The following PCDHA6 variants were observed in gnomAD, a reference collection of about 807,000 sequenced individuals.
The protein encoded by PCDHA6 is protocadherin alpha 6, also known as protocadherin alpha-6.
Under a neutral mutation model 60.3 loss-of-function variants are expected in PCDHA6, and 55 were observed. That is an observed-to-expected ratio of 0.91 (90% confidence interval 0.73 to 1.14). The LOEUF (loss-of-function observed/expected upper bound fraction) is 1.14. Ranked by LOEUF, PCDHA6 falls within the 50% of genes most tolerant of loss-of-function variation. The pLI is 0.00. For synonymous variants in PCDHA6, 652 were observed against 557.9 expected, an observed-to-expected ratio of 1.17 and a Z score of -2.38; for missense variants, 1,327 against 1,256.5, an observed-to-expected ratio of 1.06 and a Z score of -0.85.
chr5:140,851,612 A>G, intron 1 of PCDHA6: 1 of 921,118 alleles, frequency 1.1e-6, no homozygotes, highest in Non-Finnish European at 1.3e-6. Context: ...GAAATTGGAG[A>G]AAATGCTTTT....
chr5:140,920,129 A>T lies in PCDHA6; in HGVS notation c.2395-58820A>T, dbSNP rs369489887. Among the ~76,000 whole-genome samples, 8 of 152,262 alleles carry T rather than the reference A, an allele frequency of 5.3e-5. No homozygotes were observed. The South Asian group carries it at 1.7e-3, about 32-fold the overall frequency. ...CAACCTTGCCAACATCTTGAGTTTT[A>T]ATTCTCCTCTCCAAACCTGGGAGAA... On this transcript the variant is annotated intron_variant, in intron 1 of 3. Transcript: ENST00000529310.
Position 140,828,895 on chromosome 5 carries a change from T to C in PCDHA6, c.804T>C (p.Asp268=), listed in dbSNP as rs1770010925. 6.2e-7 allele frequency: 1 copy of C among 1,614,106 alleles called. No individual in the cohort carries two copies. The highest frequency in any genetic ancestry group is 1.3e-5 in the African/African-American group (1 of 74,930). The change falls in exon 1 of 4, where the codon GAT becomes GAC. Residue 268 remains aspartate, a synonymous_variant. Coordinates refer to ENST00000529310, the MANE Select transcript of PCDHA6 (RefSeq NM_018909.4). ...CAGTTATCAGACTGAATGCTTCTGA[T>C]CGGGATGAAGGAGCGAATGGGGCAA... is the stretch of plus-strand genomic sequence containing the variant. The part of the protein sequence containing the change: ...GTTVIRLNAS[D]RDEGANGAIS...
At chr5:140,831,620 C>A (rs1771646010) in intron 1 of PCDHA6, among the ~76,000 whole-genome samples, 1 of 150,644 alleles carries the variant, frequency 6.6e-6, no homozygotes, top group Admixed American at 6.7e-5. Context: ...ACCTTGGCCT[C>A]CCAAAGTACT....
Position 140,870,720 on chromosome 5 carries a change from G to A in PCDHA6, c.2394+40235G>A, listed in dbSNP as rs544150374. ...AGTTCCAGGTGAGCGCGCGCGATGC[G>A]GGCGTGCCGCCTCTGAGCAGCAACG... On this transcript the variant is annotated intron_variant, in intron 1 of 3. Coordinates refer to ENST00000529310, the MANE Select transcript of PCDHA6 (RefSeq NM_018909.4). The A allele has an allele frequency of 3.7e-6, 6 of 1,613,204 alleles. No homozygotes were observed. In the East Asian group the frequency reaches 6.7e-5, roughly 18 times the overall value.
At chr5:140,909,907 A>C (rs1554194005) in intron 1 of PCDHA6, among the ~76,000 whole-genome samples, 1 of 152,168 alleles carries the variant, frequency 6.6e-6, no homozygotes, top group African/African-American at 2.4e-5. Flanking sequence ...CTGAAATGGC[A>C]ATCATTTCCC....
At chr5:140,894,193 T>G (rs1481492058) in intron 1 of PCDHA6, among the ~76,000 whole-genome samples, 1 of 152,170 alleles carries the variant, frequency 6.6e-6, no homozygotes, top group Non-Finnish European at 1.5e-5. Context: ...TATATATTTT[T>G]TCTATGCTAT....
At chr5:140,964,584 A>G (rs1347418719) in intron 1 of PCDHA6, among the ~76,000 whole-genome samples, 2 of 152,132 alleles carry the variant, frequency 1.3e-5, no homozygotes, top group African/African-American at 4.8e-5. Context: ...GGGAGGAAAG[A>G]TCACTTTTCA....
intron 1 of PCDHA6, chr5:140,968,895 T>G: frequency 6.2e-7 from 1 of 1,614,218 alleles, no homozygotes; most frequent in Non-Finnish European, 8.5e-7. Context: ...TATCTAATAA[T>G]AGCATTAAGC....
chr5:140,877,321 G>A (rs1554169599), intron 1 of PCDHA6: 2 of 1,614,000 alleles, frequency 1.2e-6, no homozygotes, highest in South Asian at 2.2e-5. Context: ...GGCGGCGGTC[G>A]GCGCGCACAT....
chr5:140,962,014 G>C (rs2095650512), intron 1 of PCDHA6, among the ~76,000 whole-genome samples: 1 of 151,888 alleles, frequency 6.6e-6, no homozygotes, highest in African/African-American at 2.4e-5. Flanking sequence ...TTCCCGAGTA[G>C]CTGGGACTAC....
At chr5:140,845,150 G>A (rs1193499376) in intron 1 of PCDHA6, among the ~76,000 whole-genome samples, 2 of 149,470 alleles carry the variant, frequency 1.3e-5, no homozygotes, top group African/African-American at 4.9e-5. Context: ...AACACATTGT[G>A]TAAAAGCGAA....
chr5:140,987,165 G>A lies in PCDHA6; in HGVS notation c.2542+4602G>A, dbSNP rs191129148. Among the ~76,000 whole-genome samples, 1,195 of 151,202 alleles carry A rather than the reference G, an allele frequency of 7.9e-3. 19 individuals are homozygous for A. The highest frequency in any genetic ancestry group is 0.027 in the African/African-American group (1,126 of 41,156). On this transcript the variant is annotated intron_variant, in intron 3 of 3. Transcript: ENST00000529310. ...GGAGGTGGAGGTTGCAGTGAGCTGA[G>A]ATTGCACCACTGCACTCCAGCCTGG...
In PCDHA6 at chr5:140,869,658, T is replaced by C. The variant is rs370211026; in HGVS notation, c.2394+39173T>C. 1.2e-5 allele frequency: 19 copies of C among 1,613,432 alleles called. No homozygotes were observed. The African/African-American group carries it at 2.1e-4, about 18-fold the overall frequency. ...ATTTTTCTTTAGATTCACCAACAAATGGTAAGCAGATTAAAAGACTGTCAC... is the reference window on the plus strand; with the variant it reads ...ATTTTTCTTTAGATTCACCAACAAACGGTAAGCAGATTAAAAGACTGTCAC... On this transcript the variant is annotated intron_variant, in intron 1 of 3. Coordinates refer to ENST00000529310, the MANE Select transcript of PCDHA6 (RefSeq NM_018909.4).
rs2150256971 is a variant in PCDHA6, at chr5:140,836,289, G to A, written c.2394+5804G>A. 8.7e-6 allele frequency: 14 copies of A among 1,613,792 alleles called. No homozygotes were observed. The South Asian group carries it at 1.5e-4, about 18-fold the overall frequency. Reference sequence around the variant, plus strand: ...CACTGGTGAGATCAGCACGACACGAGCCCTAGATGAGACGGACGCACCGCG... The same window carrying A: ...CACTGGTGAGATCAGCACGACACGAACCCTAGATGAGACGGACGCACCGCG... On this transcript the variant is annotated intron_variant, in intron 1 of 3. Coordinates refer to ENST00000529310, the MANE Select transcript of PCDHA6 (RefSeq NM_018909.4).
At chr5:140,957,397 A>C (rs553656426) in intron 1 of PCDHA6, among the ~76,000 whole-genome samples, 1 of 152,282 alleles carries the variant, frequency 6.6e-6, no homozygotes, top group South Asian at 2.1e-4. Context: ...AATTGTCCTA[A>C]TTTATTATTA....
At chr5:140,884,003 G>T (rs781845787) in intron 1 of PCDHA6, 2 of 1,612,968 alleles carry the variant, frequency 1.2e-6, no homozygotes, top group Non-Finnish European at 8.5e-7. Flanking sequence ...CACAGTGAGC[G>T]AGCTGATGCC....
intron 3 of PCDHA6, 149 bp downstream of exon 3, chr5:140,982,712 T>C: frequency 7.3e-7 from 1 of 1,373,964 alleles, no homozygotes; most frequent in Non-Finnish European, 9.6e-7. Context: ...TCCTTACATA[T>C]ATGATTATTT....
chr5:140,903,498 T>C (rs1205249543), intron 1 of PCDHA6, among the ~76,000 whole-genome samples: 2 of 152,320 alleles, frequency 1.3e-5, no homozygotes, highest in East Asian at 1.9e-4. Context: ...GCAGGTACCA[T>C]AGATAATAGT....
intron 1 of PCDHA6, among the ~76,000 whole-genome samples, chr5:140,838,112 GT>G (rs1775545429): frequency 6.7e-6 from 1 of 149,312 alleles, no homozygotes; most frequent in Non-Finnish European, 1.5e-5. Context: ...GTGTGTGTGT[GT>G]GTGTGTGTGT....
Sources: allele counts gnomAD v4.1 joint callset (sites outside exome capture counted in the v4.1 genomes callset), GRCh38; gene constraint gnomAD v4.1.1; transcripts MANE v1.5; gene names NCBI Gene and HGNC (gene_info 2026-07-23, HGNC 2026-07-21).